The following CLXN variants were observed in gnomAD, a reference collection of about 807,000 sequenced individuals.
The protein encoded by CLXN is EF-hand calcium binding domain 1.
chr8:48,726,544 T>C, the CLXN span, among the ~76,000 whole-genome samples: 1 of 137,984 alleles, frequency 7.2e-6, no homozygotes, highest in Admixed American at 7.1e-5. Context: ...CATCTATCCA[T>C]CCATCTACCT....
chr8:48,730,988 T>C, the CLXN span, among the ~76,000 whole-genome samples: 1 of 152,202 alleles, frequency 6.6e-6, no homozygotes, highest in East Asian at 1.9e-4. Flanking sequence ...CTCAAGTCAT[T>C]ACTTGATGCA....
At chr8:48,727,140 C>T in the CLXN span, among the ~76,000 whole-genome samples, 1 of 148,114 alleles carries the variant, frequency 6.8e-6, no homozygotes, top group Non-Finnish European at 1.5e-5. Flanking sequence ...ACCCACATCA[C>T]CCATCCATCC....
the CLXN span, among the ~76,000 whole-genome samples, chr8:48,719,383 CTAAA>C: frequency 6.6e-6 from 1 of 151,756 alleles, no homozygotes; most frequent in Admixed American, 6.6e-5. Flanking sequence ...CTAAACTCCT[CTAAA>C]AAAATAGAAA....
chr8:48,728,591 G>A, the CLXN span, among the ~76,000 whole-genome samples: 2 of 152,176 alleles, frequency 1.3e-5, no homozygotes, highest in Non-Finnish European at 1.5e-5. Context: ...TGGAAAATGA[G>A]GCTAATATTA....
chr8:48,715,629 G>A, the CLXN span: 6 of 152,138 alleles, frequency 3.9e-5, no homozygotes, highest in Admixed American at 2.6e-4. Flanking sequence ...TATGACTGAT[G>A]GTGCCCACAG....
At chr8:48,734,783 C>A in the CLXN span, 1 of 327,068 alleles carries the variant, frequency 3.1e-6, no homozygotes, top group Non-Finnish European at 5.6e-6. Flanking sequence ...ATTTATTTTA[C>A]ACCTCATTGA....
the CLXN span, among the ~76,000 whole-genome samples, chr8:48,729,384 A>G: frequency 1.3e-5 from 2 of 151,872 alleles, no homozygotes; most frequent in African/African-American, 2.4e-5. Context: ...TTAGCTGGGC[A>G]TGGTGGTATG....
At chr8:48,721,731 G>A in the CLXN span, among the ~76,000 whole-genome samples, 2 of 152,176 alleles carry the variant, frequency 1.3e-5, no homozygotes, top group Non-Finnish European at 2.9e-5. Context: ...ATGGTGTTGG[G>A]ACAATTGGAT....
the CLXN span, among the ~76,000 whole-genome samples, chr8:48,719,258 G>A: frequency 2.6e-5 from 4 of 152,036 alleles, no homozygotes; most frequent in East Asian, 7.7e-4. Flanking sequence ...TAACAAATAA[G>A]GAAACTGAAT....
the CLXN span, among the ~76,000 whole-genome samples, chr8:48,726,429 C>A: frequency 6.8e-6 from 1 of 146,768 alleles, no homozygotes; most frequent in South Asian, 2.3e-4. Context: ...CATCCATCCA[C>A]TCATCCATCT....
the CLXN span, among the ~76,000 whole-genome samples, chr8:48,732,602 G>A: frequency 1.2e-3 from 178 of 152,248 alleles, no homozygotes; most frequent in African/African-American, 1.8e-3. Flanking sequence ...CAATTATTGC[G>A]TGATCCAGGA....
the CLXN span, among the ~76,000 whole-genome samples, chr8:48,722,366 T>C: frequency 6.6e-6 from 1 of 152,176 alleles, no homozygotes; most frequent in Non-Finnish European, 1.5e-5. Flanking sequence ...GAAAGCAGTA[T>C]AGAGACTCTT....
At chr8:48,717,737 T>G in the CLXN span, among the ~76,000 whole-genome samples, 1 of 152,180 alleles carries the variant, frequency 6.6e-6, no homozygotes, top group Non-Finnish European at 1.5e-5. Context: ...AGCAAACTAA[T>G]TACAAGAACA....
the CLXN span, among the ~76,000 whole-genome samples, chr8:48,714,480 A>G: frequency 6.6e-6 from 1 of 152,170 alleles, no homozygotes; most frequent in African/African-American, 2.4e-5. Flanking sequence ...ATTACTTAGG[A>G]TTTTTTTGTT....
the CLXN span, among the ~76,000 whole-genome samples, chr8:48,727,108 C>T: frequency 6.6e-6 from 1 of 150,472 alleles, no homozygotes; most frequent in East Asian, 2.0e-4. Context: ...ACCCATTCAC[C>T]CATCCATCTA....
the CLXN span, among the ~76,000 whole-genome samples, chr8:48,719,974 C>T: frequency 3.3e-5 from 5 of 152,138 alleles, no homozygotes; most frequent in South Asian, 2.1e-4. Flanking sequence ...ATGGAGGGAC[C>T]GGCTGGAGCT....
chr8:48,730,604 A>G, the CLXN span: 11 of 1,611,726 alleles, frequency 6.8e-6, no homozygotes, highest in East Asian at 2.5e-4. Flanking sequence ...ACTCCAATAC[A>G]TTTACACAGC....
the CLXN span, chr8:48,729,691 A>C: frequency 6.4e-7 from 1 of 1,565,998 alleles, no homozygotes; most frequent in South Asian, 1.2e-5. Flanking sequence ...ACAAATTTTA[A>C]TAAAAAACTT....
chr8:48,730,441 A>G, the CLXN span: 1 of 678,928 alleles, frequency 1.5e-6, no homozygotes, highest in South Asian at 2.8e-5. Context: ...CAGCCAACCA[A>G]CAAACCCACT....
Sources: allele counts gnomAD v4.1 joint callset (sites outside exome capture counted in the v4.1 genomes callset), GRCh38; gene constraint gnomAD v4.1.1; transcripts MANE v1.5; gene names NCBI Gene and HGNC (gene_info 2026-07-23, HGNC 2026-07-21).